Variants in CTNNA3 observed in about 807,000 individuals in gnomAD.
CTNNA3 encodes catenin alpha 3.
Under a neutral mutation model 95.7 loss-of-function variants are expected in CTNNA3, and 76 were observed. The ratio of observed to expected loss-of-function variants is 0.79; its 90% CI spans 0.66 to 0.96. CTNNA3 has a LOEUF of 0.96. Ranked by LOEUF, CTNNA3 falls within the 40% of genes least tolerant of loss-of-function variation. CTNNA3 has a pLI of 0.00. For missense variants in CTNNA3, 1,191 were observed against 1,089.8 expected (o/e 1.09, Z -1.31); for synonymous variants, 431 against 374.4 (o/e 1.15, Z -1.74).
chr10:66,286,013 C>A (rs2091581903), intron 12 of CTNNA3, among the ~76,000 whole-genome samples: 1 of 151,908 alleles, frequency 6.6e-6, no homozygotes, highest in Non-Finnish European at 1.5e-5. Flanking sequence ...GGTTGATGGG[C>A]ATTTGCATAA....
At chr10:67,479,055 A>C (rs559087879) in intron 5 of CTNNA3, among the ~76,000 whole-genome samples, 5 of 152,162 alleles carry the variant, frequency 3.3e-5, no homozygotes, top group Non-Finnish European at 7.4e-5. Context: ...ACAAGACTTA[A>C]ATATCCTAAA....
intron 11 of CTNNA3, among the ~76,000 whole-genome samples, chr10:66,404,875 A>G (rs2093045575): frequency 6.6e-6 from 1 of 151,892 alleles, no homozygotes; most frequent in Non-Finnish European, 1.5e-5. Context: ...AAGCCAAAAG[A>G]TTGGACACCC....
At chr10:66,964,252 G>A (rs1849279787) in intron 7 of CTNNA3, among the ~76,000 whole-genome samples, 1 of 151,520 alleles carries the variant, frequency 6.6e-6, no homozygotes, top group Non-Finnish European at 1.5e-5. Context: ...TTTAAAGTAT[G>A]AGGATTCTAC....
At chr10:67,028,062 T>C (rs1853498774) in intron 7 of CTNNA3, among the ~76,000 whole-genome samples, 1 of 152,160 alleles carries the variant, frequency 6.6e-6, no homozygotes, top group Admixed American at 6.5e-5. Context: ...GAGGGAACTA[T>C]CCAAGGTCAC....
intron 11 of CTNNA3, among the ~76,000 whole-genome samples, chr10:66,474,599 C>G (rs1252723571): frequency 6.6e-6 from 1 of 151,888 alleles, no homozygotes; most frequent in Admixed American, 6.6e-5. Context: ...AGCTGTATTT[C>G]TAATTTTTTG....
intron 5 of CTNNA3, among the ~76,000 whole-genome samples, chr10:67,510,327 C>T (rs1246151799): frequency 6.6e-6 from 1 of 152,128 alleles, no homozygotes; most frequent in African/African-American, 2.4e-5. Context: ...TTAGGTCTAA[C>T]ATTTAAGTCT....
chr10:66,368,246 C>CTTT, intron 12 of CTNNA3, among the ~76,000 whole-genome samples: 2 of 152,102 alleles, frequency 1.3e-5, no homozygotes, highest in South Asian at 4.1e-4. Flanking sequence ...GAAGCCATTG[C>CTTT]TTCATTGCCT....
chr10:66,887,643 G>T (rs1845095682), intron 7 of CTNNA3, among the ~76,000 whole-genome samples: 1 of 152,068 alleles, frequency 6.6e-6, no homozygotes, highest in Admixed American at 6.6e-5. Flanking sequence ...TATCATACTT[G>T]TCAGACTGAA....
intron 5 of CTNNA3, among the ~76,000 whole-genome samples, chr10:67,397,657 C>A (rs923894124): frequency 2.6e-5 from 4 of 152,198 alleles, no homozygotes; most frequent in African/African-American, 9.6e-5. Context: ...TAAAATGTCT[C>A]CAGGCCATGT....
At chr10:66,915,751 CA>C (rs1443307538) in intron 7 of CTNNA3, among the ~76,000 whole-genome samples, 3 of 85,294 alleles carry the variant, frequency 3.5e-5, no homozygotes, top group African/African-American at 9.7e-5. Context: ...TACATATATA[CA>C]TTTTTTTTTT....
In CTNNA3 at chr10:67,647,534, A is replaced by G; in HGVS notation, c.-5-16T>C. 6.3e-7 allele frequency: 1 copy of G among 1,597,004 alleles called. No individual in the cohort carries two copies. The highest frequency in any genetic ancestry group is 8.6e-7 in the Non-Finnish European group (1 of 1,166,630). On this transcript the variant is annotated splice_polypyrimidine_tract_variant and intron_variant, in intron 1 of 17. Coordinates refer to ENST00000433211, the MANE Select transcript of CTNNA3 (RefSeq NM_013266.4). ...GACATGCTGCCTGTGCACAAACACA[A>G]AAGGATGCTTATTAATAAAGAAAAC...
At chr10:66,297,757 C>T (rs904238549) in intron 12 of CTNNA3, among the ~76,000 whole-genome samples, 17 of 152,158 alleles carry the variant, frequency 1.1e-4, no homozygotes, top group African/African-American at 3.9e-4. Flanking sequence ...TTCCAGATAA[C>T]CACTTAGTGA....
chr10:66,503,224 G>A (rs1011405085), intron 11 of CTNNA3, among the ~76,000 whole-genome samples: 2 of 152,170 alleles, frequency 1.3e-5, no homozygotes, highest in African/African-American at 4.8e-5. Flanking sequence ...GTAAAAGAAT[G>A]TGAGCTCTAA....
intron 7 of CTNNA3, among the ~76,000 whole-genome samples, chr10:66,811,229 G>A (rs1187994089): frequency 6.6e-6 from 1 of 152,172 alleles, no homozygotes; most frequent in Non-Finnish European, 1.5e-5. Flanking sequence ...TGAGGGCTCT[G>A]ACAACAAGGG....
intron 7 of CTNNA3, among the ~76,000 whole-genome samples, chr10:66,834,123 G>A (rs555231232): frequency 3.9e-5 from 6 of 152,282 alleles, no homozygotes; most frequent in African/African-American, 1.4e-4. Context: ...TTTAAGGGCT[G>A]CAGCCAATCC....
At chr10:66,133,136 A>G (rs949779148) in intron 13 of CTNNA3, among the ~76,000 whole-genome samples, 5 of 152,230 alleles carry the variant, frequency 3.3e-5, no homozygotes, top group Non-Finnish European at 5.9e-5. Context: ...AAACATCACA[A>G]ATATGTAAAT....
intron 7 of CTNNA3, among the ~76,000 whole-genome samples, chr10:66,973,386 G>C (rs758384816): frequency 6.6e-6 from 1 of 152,062 alleles, no homozygotes; most frequent in Non-Finnish European, 1.5e-5. Context: ...TCAATAATTT[G>C]TATTAACAAA....
intron 14 of CTNNA3, among the ~76,000 whole-genome samples, chr10:66,096,236 A>G (rs1268056009): frequency 6.6e-6 from 1 of 152,138 alleles, no homozygotes; most frequent in African/African-American, 2.4e-5. Context: ...AGACACTATA[A>G]TCAAAGTTTA....
At chr10:66,457,314 C>T (rs540249640) in intron 11 of CTNNA3, among the ~76,000 whole-genome samples, 1 of 152,070 alleles carries the variant, frequency 6.6e-6, no homozygotes, top group Admixed American at 6.6e-5. Context: ...ATGTCTAACA[C>T]AGAACTTGTA....
Sources: gnomAD v4.1 joint callset for allele counts (sites outside exome capture counted in the v4.1 genomes callset) on GRCh38, gnomAD v4.1.1 for gene constraint, MANE v1.5 for transcripts, NCBI Gene and HGNC (gene_info 2026-07-23, HGNC 2026-07-21) for gene names.